PFKFB3: variants seen among roughly 807,000 people sequenced by gnomAD.
PFKFB3 encodes the protein 6-phosphofructo-2-kinase/fructose-2,6-bisphosphatase 3.
A neutral mutation model predicts 68.0 loss-of-function variants in PFKFB3; 33 were observed. That is an observed-to-expected ratio of 0.49 (90% CI 0.37 to 0.65). PFKFB3 has a LOEUF of 0.65. Among genes scored for constraint, PFKFB3 ranks in the 30% least tolerant of loss-of-function variants. PFKFB3 has a pLI of 0.00. For missense variants in PFKFB3, 586 were observed against 712.2 expected (o/e 0.82, Z 2.02); for synonymous variants, 315 against 288.2 (o/e 1.09, Z -0.94).
chr10:6,215,569 T>C lies in PFKFB3; in HGVS notation c.299+252T>C, dbSNP rs1282507485. Among the ~76,000 whole-genome samples, 1 of 152,058 alleles carries C rather than the reference T, an allele frequency of 6.6e-6. No individual in the cohort carries two copies. The highest frequency in any genetic ancestry group is 1.9e-4 in the East Asian group (1 of 5,180). On this transcript the variant is annotated intron_variant, in intron 3 of 14. Coordinates refer to ENST00000379775, the MANE Select transcript of PFKFB3 (RefSeq NM_004566.4). This position sits in a 1 kb window ranked among gnomAD's most constrained non-coding sequence, Gnocchi z 4.3. ...TGCTGGTGGCTTCAGGGCTGTGCAGTGTGGGAACAAGGTTGCTGCTCTCAT... is the reference window on the plus strand; with the variant it reads ...TGCTGGTGGCTTCAGGGCTGTGCAGCGTGGGAACAAGGTTGCTGCTCTCAT...
At chr10:6,244,913 G>C (rs1207070238) in intron 14 of PFKFB3, among the ~76,000 whole-genome samples, 3 of 152,150 alleles carry the variant, frequency 2.0e-5, no homozygotes, top group African/African-American at 7.2e-5. Flanking sequence ...ACAGTTCCTA[G>C]CATACACTCA....
upstream of PFKFB3, among the ~76,000 whole-genome samples, chr10:6,197,958 C>T (rs1207215057): frequency 6.6e-6 from 1 of 152,058 alleles, no homozygotes; most frequent in African/African-American, 2.4e-5. Flanking sequence ...TTATGCTAGC[C>T]TCAGAAATGA....
At chr10:6,299,924 T>A in the PFKFB3 span, among the ~76,000 whole-genome samples, 2 of 148,156 alleles carry the variant, frequency 1.3e-5, no homozygotes, top group Non-Finnish European at 3.0e-5. Context: ...TGGACTTTCC[T>A]AGGCTTGCAT....
intron 1 of PFKFB3, among the ~76,000 whole-genome samples, chr10:6,153,471 G>A (rs536767441): frequency 1.3e-5 from 2 of 152,304 alleles, no homozygotes; most frequent in East Asian, 3.9e-4. Context: ...GCTGGTAGGA[G>A]GTCATGGTGA....
intron 2 of PFKFB3, among the ~76,000 whole-genome samples, chr10:6,214,089 T>G (rs1844405965): frequency 6.6e-6 from 1 of 152,330 alleles, no homozygotes; most frequent in Admixed American, 6.5e-5. Flanking sequence ...CCCTAAGCAC[T>G]GCCTACCGTA....
At chr10:6,246,015 T>C (rs1269292217) in intron 14 of PFKFB3, among the ~76,000 whole-genome samples, 1 of 152,164 alleles carries the variant, frequency 6.6e-6, no homozygotes, top group Non-Finnish European at 1.5e-5. Context: ...CCGCCTCCTC[T>C]TCCTTCTTCT....
the PFKFB3 span, among the ~76,000 whole-genome samples, chr10:6,280,265 C>T: frequency 3.9e-5 from 6 of 152,178 alleles, no homozygotes; most frequent in Admixed American, 1.3e-4. Flanking sequence ...TAGTACTTGC[C>T]GCCTTATTTT....
chr10:6,208,371 C>CT (rs35447462), intron 1 of PFKFB3, among the ~76,000 whole-genome samples: 2,609 of 60,528 alleles, frequency 0.043, 192 homozygotes, highest in East Asian at 0.15. Flanking sequence ...GGTACCTGGC[C>CT]TTTTTTTTTT....
At chr10:6,312,663 T>C in the PFKFB3 span, among the ~76,000 whole-genome samples, 1 of 152,248 alleles carries the variant, frequency 6.6e-6, no homozygotes. Flanking sequence ...CGAGTTTTAA[T>C]GATATGTTAA....
upstream of PFKFB3, among the ~76,000 whole-genome samples, chr10:6,201,411 C>T (rs1843345040): frequency 7.0e-6 from 1 of 141,916 alleles, no homozygotes; most frequent in South Asian, 2.4e-4. The surrounding 1 kb of genome is among the most constrained non-coding windows in gnomAD (Gnocchi z 4.1). Context: ...TCTGAGAGGG[C>T]GGCGCGGGGG....
At chr10:6,185,063 C>T (rs922336048) in intron 1 of PFKFB3, among the ~76,000 whole-genome samples, 2 of 152,170 alleles carry the variant, frequency 1.3e-5, no homozygotes, top group African/African-American at 4.8e-5. Flanking sequence ...ACACAAAAAC[C>T]CTGATTTAAA....
chr10:6,315,770 A>T, the PFKFB3 span, among the ~76,000 whole-genome samples: 5 of 152,192 alleles, frequency 3.3e-5, no homozygotes, highest in Non-Finnish European at 7.4e-5. Flanking sequence ...ATAGGCGTGA[A>T]CCACCACGCC....
intron 1 of PFKFB3, 63 bp from the exon 2 acceptor site, chr10:6,213,560 G>A (rs1254754709): frequency 1.3e-6 from 2 of 1,552,668 alleles, no homozygotes; most frequent in Admixed American, 3.7e-5. Flanking sequence ...TGTTGGGTGT[G>A]GCCTCTGCTC....
At chr10:6,260,361 C>G in the PFKFB3 span, among the ~76,000 whole-genome samples, 97 of 146,262 alleles carry the variant, frequency 6.6e-4, no homozygotes, top group African/African-American at 2.4e-3. Flanking sequence ...TTGCAGTGAG[C>G]CGAGATTGCG....
chr10:6,197,164 T>C (rs1564611892), intron 1 of PFKFB3, among the ~76,000 whole-genome samples: 4 of 152,072 alleles, frequency 2.6e-5, no homozygotes, highest in Middle Eastern at 3.4e-3. Context: ...TTTGTACTTT[T>C]AGTAGTTTTA....
chr10:6,247,420 G>A (rs527292819), intron 14 of PFKFB3, among the ~76,000 whole-genome samples: 1 of 152,340 alleles, frequency 6.6e-6, no homozygotes, highest in East Asian at 1.9e-4. Flanking sequence ...ATGTAGGCCT[G>A]CAAAAACAAC....
intron 14 of PFKFB3, among the ~76,000 whole-genome samples, chr10:6,245,198 G>A (rs951998673): frequency 1.3e-5 from 2 of 152,056 alleles, no homozygotes; most frequent in Non-Finnish European, 2.9e-5. Flanking sequence ...CTGAGTTCAA[G>A]CAATTCTCCT....
Position 6,154,657 on chromosome 10 carries a change from C to T in PFKFB3, c.16+9644C>T, listed in dbSNP as rs1163914105. Among the ~76,000 whole-genome samples, 2 of 152,150 alleles carry T rather than the reference C, an allele frequency of 1.3e-5. No homozygotes were observed. Among genetic ancestry groups the T allele is most frequent in the Admixed American group, 1.3e-4 (2 of 15,272 alleles). ...AGGAGACCAGGTGGGAGTCTCTGGGCCTGCTGCAGGTGGCTGCGATCAGGG... is the reference window on the plus strand; with the variant it reads ...AGGAGACCAGGTGGGAGTCTCTGGGTCTGCTGCAGGTGGCTGCGATCAGGG... On this transcript the variant is annotated intron_variant, in intron 1 of 14. Coordinates refer to the PFKFB3 transcript ENST00000379789. The surrounding 1 kb of genome is among the most constrained non-coding windows in gnomAD (Gnocchi z 4.6).
intron 1 of PFKFB3, among the ~76,000 whole-genome samples, chr10:6,192,139 TACAC>T (rs60638987): frequency 0.024 from 2,813 of 119,066 alleles, 49 homozygotes; most frequent in South Asian, 0.093. Context: ...CATTCCCCAA[TACAC>T]ACACACACAC....
Sources: gnomAD v4.1 joint callset for allele counts (sites outside exome capture counted in the v4.1 genomes callset) on GRCh38, gnomAD v4.1.1 for gene constraint, Gnocchi (gnomAD v3.1) non-coding constraint, MANE v1.5 for transcripts, NCBI Gene and HGNC (gene_info 2026-07-23, HGNC 2026-07-21) for gene names.